GPD1L: variants seen among roughly 807,000 people sequenced by gnomAD.
GPD1L encodes the protein glycerol-3-phosphate dehydrogenase 1-like protein.
GPD1L carries 17 observed loss-of-function variants against 32.9 expected under a neutral mutation model. The ratio of observed to expected loss-of-function variants is 0.52; its 90% CI spans 0.35 to 0.78. GPD1L has a LOEUF of 0.78. Ranked by LOEUF, GPD1L falls within the 30% of genes least tolerant of loss-of-function variation. The pLI, the probability that GPD1L is intolerant of heterozygous loss-of-function variation, is 0.01. For synonymous variants in GPD1L, 187 were observed against 165.9 expected, an observed-to-expected ratio of 1.13 and a Z score of -0.98; for missense variants, 361 against 447.8, an observed-to-expected ratio of 0.81 and a Z score of 1.75.
intron 3 of GPD1L, 34 bp downstream of exon 3, chr3:32,138,761 T>G: frequency 6.2e-7 from 1 of 1,609,632 alleles, no homozygotes; most frequent in Middle Eastern, 1.7e-4. Flanking sequence ...GGGCTAGACA[T>G]TGGTTATCAG....
intron 4 of GPD1L, among the ~76,000 whole-genome samples, chr3:32,145,004 A>G (rs1357219194): frequency 2.0e-5 from 3 of 150,304 alleles, no homozygotes; most frequent in Non-Finnish European, 4.4e-5. Flanking sequence ...GCGCTGGCTT[A>G]TGACTGGTAT....
At chr3:32,134,316 C>T (rs947472765) in intron 2 of GPD1L, among the ~76,000 whole-genome samples, 13 of 152,194 alleles carry the variant, frequency 8.5e-5, no homozygotes, top group Non-Finnish European at 1.6e-4. Flanking sequence ...ACATTGTACA[C>T]GTTGCTTCTG....
intron 4 of GPD1L, among the ~76,000 whole-genome samples, chr3:32,143,783 G>C (rs1166910068): frequency 2.0e-5 from 3 of 151,902 alleles, no homozygotes; most frequent in Non-Finnish European, 4.4e-5. Context: ...TTTGAGACCA[G>C]CCTTGTCAAC....
At chr3:32,127,177 T>C (rs1416511923) in intron 1 of GPD1L, among the ~76,000 whole-genome samples, 2 of 152,176 alleles carry the variant, frequency 1.3e-5, no homozygotes, top group Non-Finnish European at 2.9e-5. Context: ...AGAATAATTG[T>C]GAGAAAAAGT....
chr3:32,106,892 T>G lies in GPD1L; in HGVS notation c.47+134T>G. 1.2e-6 allele frequency: 1 copy of G among 801,338 alleles called. No homozygotes were observed. The highest frequency in any genetic ancestry group is 1.7e-6 in the Non-Finnish European group (1 of 576,008). 49.6% of individuals were successfully genotyped at this position (801,338 alleles called of 1,614,324 possible). On this transcript the variant is annotated intron_variant, in intron 1 of 7. Coordinates refer to ENST00000282541, the MANE Select transcript of GPD1L (RefSeq NM_015141.4). This position sits in a 1 kb window ranked among gnomAD's most constrained non-coding sequence, Gnocchi z 4.0. ...CAGGGAGGCGGGGTGGGCGACCTCG[T>G]TGCTGGGCTGGGCACCGTGCGCCCG...
rs1459167619 is a variant in GPD1L, at chr3:32,128,139, A to C, written c.111A>C (p.Thr37=). The part of the protein sequence containing the change: ...NVKKLQKFAS[T]VKMWVFEETV... ...AGAAACTTCAGAAATTTGCCTCCAC[A>C]GTCAAGATGTGGGTCTTTGAAGAAA... Residue 37 remains threonine, a synonymous_variant, in exon 2 of 8, where the codon ACA becomes ACC. Coordinates refer to ENST00000282541, the MANE Select transcript of GPD1L (RefSeq NM_015141.4). 5.6e-6 allele frequency: 9 copies of C among 1,612,356 alleles called. No homozygotes were observed. Among genetic ancestry groups the C allele is most frequent in the Non-Finnish European group, 7.6e-6 (9 of 1,178,364 alleles).
At chr3:32,147,211 TCA>T (rs869076970) in intron 5 of GPD1L, among the ~76,000 whole-genome samples, 2 of 106,214 alleles carry the variant, frequency 1.9e-5, no homozygotes, top group African/African-American at 1.1e-4. Flanking sequence ...GTCTTTGCCC[TCA>T]AGAGAGAGAA....
chr3:32,125,781 T>TAGTAGTA (rs141563885), intron 1 of GPD1L, among the ~76,000 whole-genome samples: 5,278 of 152,264 alleles, frequency 0.035, 303 homozygotes, highest in African/African-American at 0.12. Flanking sequence ...ATTACCACCA[T>TAGTAGTA]CTGGCCCAAT....
At chr3:32,132,503 CT>C (rs1700600102) in intron 2 of GPD1L, among the ~76,000 whole-genome samples, 1 of 152,176 alleles carries the variant, frequency 6.6e-6, no homozygotes, top group African/African-American at 2.4e-5. Context: ...TGCTGAAAGC[CT>C]TCTGAAAATT....
At chr3:32,156,280 G>A (rs113961941) in intron 5 of GPD1L, among the ~76,000 whole-genome samples, 3 of 152,190 alleles carry the variant, frequency 2.0e-5, no homozygotes, top group South Asian at 4.1e-4. Flanking sequence ...AGAAGCTTTC[G>A]CAGGTTCAGG....
intron 1 of GPD1L, among the ~76,000 whole-genome samples, chr3:32,116,151 T>C (rs1700330415): frequency 6.6e-6 from 1 of 152,186 alleles, no homozygotes; most frequent in Non-Finnish European, 1.5e-5. Flanking sequence ...GTGCCTTTTG[T>C]AGACTGTACT....
chr3:32,130,137 C>T (rs901591962), intron 2 of GPD1L, among the ~76,000 whole-genome samples: 1 of 152,016 alleles, frequency 6.6e-6, no homozygotes, highest in East Asian at 1.9e-4. Context: ...GTGCTGCGAA[C>T]AGGGAGAGTG....
At chr3:32,157,975 G>A (rs1439348223) in intron 5 of GPD1L, among the ~76,000 whole-genome samples, 3 of 152,102 alleles carry the variant, frequency 2.0e-5, no homozygotes, top group East Asian at 3.9e-4. Context: ...GCAAAAGGCT[G>A]GAATTTGAGC....
intron 1 of GPD1L, among the ~76,000 whole-genome samples, chr3:32,119,608 G>C (rs568035997): frequency 1.3e-5 from 2 of 152,264 alleles, no homozygotes; most frequent in South Asian, 4.1e-4. Flanking sequence ...TTTAACATTT[G>C]CATCTAATAC....
intron 4 of GPD1L, among the ~76,000 whole-genome samples, chr3:32,143,708 T>G (rs1700781057): frequency 6.6e-6 from 1 of 152,098 alleles, no homozygotes; most frequent in Non-Finnish European, 1.5e-5. Flanking sequence ...CCAGGTGTGG[T>G]GGCGCACACC....
chr3:32,159,659 A>G lies in GPD1L; in HGVS notation c.944A>G (p.Lys315Arg), dbSNP rs1559583375. ...GAAGTGTACCGCATCCTCAAACAGAAGGGACTACTGGACAAGTAAGTCTCT... is the reference window on the plus strand; with the variant it reads ...GAAGTGTACCGCATCCTCAAACAGAGGGGACTACTGGACAAGTAAGTCTCT... ...SAEVYRILKQ[K>R]GLLDKFPLFT... The change falls in exon 7 of 8, where the codon AAG becomes AGG. Residue 315 changes from lysine (K) to arginine (R), a missense_variant. Physicochemically the swap from Lys to Arg is conservative, Grantham distance 26. Coordinates refer to ENST00000282541, the MANE Select transcript of GPD1L (RefSeq NM_015141.4). 6.2e-7 allele frequency: 1 copy of G among 1,603,566 alleles called. No homozygotes were observed. The highest frequency in any genetic ancestry group is 1.7e-5 in the Admixed American group (1 of 59,988).
chr3:32,138,518 G>A, intron 2 of GPD1L, 69 bp from the exon 3 acceptor site: 1 of 1,445,364 alleles, frequency 6.9e-7, no homozygotes, highest in Non-Finnish European at 9.7e-7. Context: ...TGGTCAGTGA[G>A]TGAAACCTTG....
At chr3:32,109,205 G>A (rs1237680441) in intron 1 of GPD1L, among the ~76,000 whole-genome samples, 1 of 152,220 alleles carries the variant, frequency 6.6e-6, no homozygotes, top group Non-Finnish European at 1.5e-5. Flanking sequence ...TCCCCTGTTG[G>A]CCATGCCACT....
chr3:32,121,016 G>A (rs568197404), intron 1 of GPD1L, among the ~76,000 whole-genome samples: 6 of 152,130 alleles, frequency 3.9e-5, no homozygotes, highest in East Asian at 1.9e-4. Flanking sequence ...ACTCAGGGCC[G>A]TAGAGCAGAA....
Sources: gnomAD v4.1 joint callset for allele counts (sites outside exome capture counted in the v4.1 genomes callset) on GRCh38, gnomAD v4.1.1 for gene constraint, Gnocchi (gnomAD v3.1) non-coding constraint, MANE v1.5 for transcripts, NCBI Gene and HGNC (gene_info 2026-07-23, HGNC 2026-07-21) for gene names.